Variants in SPRYD3 observed in about 807,000 individuals in gnomAD.
SPRYD3 encodes the protein SPRY domain containing 3, also known as SPRY domain-containing protein 3.
In SPRYD3, 17 loss-of-function variants were observed where a neutral mutation model predicts 50.1. The observed-to-expected ratio is 0.34, with a 90% CI of 0.23 to 0.51. SPRYD3 has a LOEUF of 0.51. Ranked by LOEUF, SPRYD3 falls within the 20% of genes least tolerant of loss-of-function variation. The pLI is 0.97. For synonymous variants in SPRYD3, 198 were observed against 215.5 expected (o/e 0.92, Z 0.71); for missense variants, 401 against 591.2 (o/e 0.68, Z 3.34).
At chr12:53,067,990 G>A (rs1209891957) in intron 7 of SPRYD3, among the ~76,000 whole-genome samples, 165 bp downstream of exon 7, 1 of 152,092 alleles carries the variant, frequency 6.6e-6, no homozygotes, top group African/African-American at 2.4e-5. Context: ...CATGGGGTGT[G>A]TACTCTTACA....
chr12:53,075,181 A>T lies in SPRYD3; in HGVS notation c.285T>A (p.Ala95=), dbSNP rs1347267652. ...IVDSGVRGTI[A]VGLVPQYYSL... ...TGTAGTACTGAGGGACCAGCCCCAC[A>T]GCAATGGTGCCCCGGACTCCACTGT... Residue 95 remains alanine (A), a synonymous_variant, in exon 4 of 11, where the codon GCT becomes GCA. Coordinates refer to ENST00000301463, the MANE Select transcript of SPRYD3 (RefSeq NM_032840.3). 6.2e-7 allele frequency: 1 copy of T among 1,613,556 alleles called. No homozygotes were observed. The highest frequency in any genetic ancestry group is 8.5e-7 in the Non-Finnish European group (1 of 1,179,506).
intron 8 of SPRYD3, 140 bp from the exon 9 acceptor site, chr12:53,066,832 G>C: frequency 8.8e-7 from 1 of 1,134,162 alleles, no homozygotes; most frequent in Admixed American, 2.9e-5. Context: ...GGAGAGAGAG[G>C]CCGGGCGCGG....
At chr12:53,078,044 G>C in intron 1 of SPRYD3, 1 of 444,094 alleles carries the variant, frequency 2.3e-6, no homozygotes, top group Non-Finnish European at 4.5e-6. Context: ...CAATGAGCCA[G>C]GTGTGGCAGC....
rs1333039590 is a variant in SPRYD3 at position 53,066,586 on chromosome 12, A to T, written c.1008T>A (p.Ile336=). The stretch of plus-strand genomic sequence containing the variant: ...TACCCCACTCACCCTCACTGTCCAA[A>T]ATGTAGTCCCGGGGGAACATGATTC... ...GCGIMFPRDY[I]LDSEGDSDDS... The change falls in exon 9 of 11, where the codon ATT becomes ATA. Residue 336 remains isoleucine, a synonymous_variant. Coordinates refer to ENST00000301463, the MANE Select transcript of SPRYD3 (RefSeq NM_032840.3). 1.2e-6 allele frequency: 2 copies of T among 1,613,774 alleles called. No homozygotes were observed. The highest frequency in any genetic ancestry group is 1.3e-5 in the African/African-American group (1 of 74,882).
In SPRYD3 at chr12:53,074,733, G is replaced by T. The variant is rs779780183; in HGVS notation, c.423C>A (p.Ser141=). ...KGRQFGSKCN[S]GDRIGCGIEP... ...CAATGCCACAGCCAATCCGGTCCCC[G>T]GAGTTGCACTTTGACCCAAACTGGC... Residue 141 remains serine (S), a synonymous_variant, in exon 5 of 11, where the codon TCC becomes TCA. Transcript: ENST00000301463. The surrounding 1 kb of genome is among the most constrained non-coding windows in gnomAD (Gnocchi z 4.6). 9 of 1,614,148 alleles carry T rather than the reference G, an allele frequency of 5.6e-6. No individual in the cohort carries two copies. Among genetic ancestry groups the T allele is most frequent in the Non-Finnish European group, 7.6e-6 (9 of 1,180,064 alleles).
rs1213466544 is a variant in SPRYD3 at position 53,065,853 on chromosome 12, A to T, written c.1308T>A (p.Asp436Glu). ...MLSCGEKVKVDLHPLSG is the reference protein window; with the variant it reads ...MLSCGEKVKVELHPLSG The stretch of plus-strand genomic sequence containing the variant: ...GGCCCTAGCCACTCAAGGGGTGCAG[A>T]TCTACTTTGACTTTCTCCCCGCAGC... The change falls in exon 11 of 11, where the codon GAT becomes GAA. Residue 436 changes from aspartate to glutamate, a missense_variant. Transcript: ENST00000301463. The T allele has an allele frequency of 1.2e-6, 2 of 1,613,476 alleles. No homozygotes were observed. Among genetic ancestry groups the T allele is most frequent in the Non-Finnish European group, 1.7e-6 (2 of 1,179,896 alleles).
intron 1 of SPRYD3, among the ~76,000 whole-genome samples, chr12:53,077,906 G>T (rs775104281): frequency 1.3e-5 from 2 of 152,234 alleles, no homozygotes; most frequent in Admixed American, 6.5e-5. Context: ...GCCATGATTG[G>T]CTGGGTATGA....
chr12:53,073,259 C>CCCGGGGGGGGGGGCG, intron 6 of SPRYD3, 27 bp downstream of exon 6: 1 of 400,932 alleles, frequency 2.5e-6, no homozygotes, highest in Non-Finnish European at 4.6e-6. Flanking sequence ...CGACCCAGCC[C>CCCGGGGGGGGGGGCG]CTCCCACCCT....
chr12:53,066,055 C>T, intron 10 of SPRYD3, 89 bp from the exon 11 acceptor site: 1 of 1,511,782 alleles, frequency 6.6e-7, no homozygotes, highest in Non-Finnish European at 9.0e-7. Context: ...GAACCCCAAT[C>T]ACCCCAGCTT....
rs1162394456 is a variant in SPRYD3 at position 53,074,192 on chromosome 12, A to G, written c.507+457T>C. ...TTGGCTCCTGTCCCATCTCCTCACC[A>G]CGCCTAGTCTCTCTACGAACAGGAT... On this transcript the variant is annotated intron_variant, in intron 5 of 10. Coordinates refer to ENST00000301463, the MANE Select transcript of SPRYD3 (RefSeq NM_032840.3). The surrounding 1 kb of genome is among the most constrained non-coding windows in gnomAD (Gnocchi z 4.6). Among the ~76,000 whole-genome samples, 1 of 152,194 alleles carries G rather than the reference A, an allele frequency of 6.6e-6. No individual in the cohort carries two copies. Among genetic ancestry groups the G allele is most frequent in the East Asian group, 1.9e-4 (1 of 5,198 alleles).
chr12:53,068,094 G>A, intron 7 of SPRYD3, 61 bp downstream of exon 7: 3 of 1,597,596 alleles, frequency 1.9e-6, no homozygotes, highest in Admixed American at 1.7e-5. Flanking sequence ...TCCTGGTGCT[G>A]CCCCAACAGC....
chr12:53,071,593 C>T (rs1685281580), intron 6 of SPRYD3, among the ~76,000 whole-genome samples: 1 of 151,990 alleles, frequency 6.6e-6, no homozygotes, highest in South Asian at 2.1e-4. Context: ...CTGTTGAGGC[C>T]CAGGGCAGTG....
chr12:53,069,399 G>A (rs2121199513), intron 6 of SPRYD3, among the ~76,000 whole-genome samples: 1 of 152,318 alleles, frequency 6.6e-6, no homozygotes, highest in Admixed American at 6.5e-5. Context: ...AACAGGAAAG[G>A]AATTATGCCC....
chr12:53,079,178 CAGA>C (rs1293954278), intron 1 of SPRYD3, 130 bp downstream of exon 1: 8 of 955,944 alleles, frequency 8.4e-6, no homozygotes, highest in Admixed American at 7.2e-5. Flanking sequence ...GGTGCAGCAA[CAGA>C]AGAAGCCCAG....
intron 10 of SPRYD3, 98 bp downstream of exon 10, chr12:53,066,216 G>C: frequency 6.5e-7 from 1 of 1,542,918 alleles, no homozygotes; most frequent in Non-Finnish European, 8.8e-7. Context: ...AGAGCTTCCC[G>C]TCTTTCCCAC....
At chr12:53,070,549 G>A (rs114718674) in intron 6 of SPRYD3, among the ~76,000 whole-genome samples, 62 of 152,240 alleles carry the variant, frequency 4.1e-4, no homozygotes, top group African/African-American at 1.4e-3. Flanking sequence ...CTTAACAGCC[G>A]CTAACCTCAG....
At chr12:53,066,715 C>A in intron 8 of SPRYD3, 23 bp from the exon 9 acceptor site, 2 of 1,588,520 alleles carry the variant, frequency 1.3e-6, no homozygotes, top group East Asian at 2.2e-5. Flanking sequence ...GGGGAAAGGA[C>A]AAACACTTGA....
At chr12:53,073,256 G>GGCCCCGGGGGGGGCC in intron 6 of SPRYD3, 30 bp downstream of exon 6, 2 of 424,134 alleles carry the variant, frequency 4.7e-6, no homozygotes, top group Non-Finnish European at 4.4e-6. Context: ...CTCCGACCCA[G>GGCCCCGGGGGGGGCC]CCCCTCCCAC....
At chr12:53,069,356 G>A (rs984980754) in intron 6 of SPRYD3, among the ~76,000 whole-genome samples, 7 of 152,132 alleles carry the variant, frequency 4.6e-5, no homozygotes, top group East Asian at 1.9e-4. Flanking sequence ...GCTTTGGGAC[G>A]CCGGCCTCTC....
Sources: allele counts gnomAD v4.1 joint callset (sites outside exome capture counted in the v4.1 genomes callset), GRCh38; gene constraint gnomAD v4.1.1; non-coding constraint Gnocchi (gnomAD v3.1); transcripts MANE v1.5; gene names NCBI Gene and HGNC (gene_info 2026-07-23, HGNC 2026-07-21).